MAD1L1: variants seen among roughly 807,000 people sequenced by gnomAD.
MAD1L1 encodes mitotic spindle assembly checkpoint protein MAD1.
In MAD1L1, 95 loss-of-function variants were observed where a neutral mutation model predicts 96.9. The observed-to-expected ratio is 0.98, with a 90% CI of 0.83 to 1.16. The LOEUF is 1.16. Among genes scored for constraint, MAD1L1 ranks in the 50% most tolerant of loss-of-function variants. MAD1L1 has a pLI of 0.00. For missense variants in MAD1L1, 1,007 were observed against 954.4 expected (o/e 1.06, Z -0.73); for synonymous variants, 473 against 396.6 (o/e 1.19, Z -2.29).
Position 2,223,230 on chromosome 7 carries a change from A to C in MAD1L1, c.292-476T>G, listed in dbSNP as rs370282554. 1.2e-4 allele frequency among the ~76,000 whole-genome samples: 19 copies of C among 152,328 alleles called. No individual in the cohort carries two copies. In the East Asian group the frequency reaches 3.3e-3, roughly 26 times the overall value. On this transcript the variant is annotated intron_variant, in intron 4 of 18. Coordinates refer to ENST00000265854, the MANE Select transcript of MAD1L1 (RefSeq NM_001013836.2). ...AGCGTGGACAGGAGGCTGTGGGCAG[A>C]AGCAGTTTACACTGGGCTCAAATCT...
At chr7:2,174,750 T>G (rs1443203758) in intron 10 of MAD1L1, among the ~76,000 whole-genome samples, 1 of 152,236 alleles carries the variant, frequency 6.6e-6, no homozygotes, top group Non-Finnish European at 1.5e-5. Context: ...CATTATCTTC[T>G]CTTGTTAAAA....
In MAD1L1 at chr7:2,050,619, G is replaced by T. The variant is rs79580237; in HGVS notation, c.1218+18575C>A. ...GACCTCTCCCAGGACCATGGACACA[G>T]GGACCCAGGCACCCACCCAGACTGT... On this transcript the variant is annotated intron_variant, in intron 12 of 18. Coordinates refer to ENST00000265854, the MANE Select transcript of MAD1L1 (RefSeq NM_001013836.2). 2.7e-3 allele frequency among the ~76,000 whole-genome samples: 409 copies of T among 152,300 alleles called. 2 individuals carry two copies. Among genetic ancestry groups the T allele is most frequent in the Non-Finnish European group, 3.0e-3 (202 of 68,014 alleles).
chr7:1,871,527 C>T (rs550059282), intron 18 of MAD1L1, among the ~76,000 whole-genome samples: 21 of 140,194 alleles, frequency 1.5e-4, no homozygotes, highest in African/African-American at 5.4e-4. Flanking sequence ...ACACCTGCCA[C>T]GCCGAACCCA....
At chr7:2,011,886 G>A (rs993906470) in intron 13 of MAD1L1, among the ~76,000 whole-genome samples, 1 of 152,182 alleles carries the variant, frequency 6.6e-6, no homozygotes, top group African/African-American at 2.4e-5. Flanking sequence ...CTTCTGGAGG[G>A]TACCCAGGGG....
chr7:2,137,069 CT>C (rs1788787177), intron 11 of MAD1L1, among the ~76,000 whole-genome samples: 1 of 152,196 alleles, frequency 6.6e-6, no homozygotes, highest in Admixed American at 6.5e-5. Context: ...CCTGACCCTG[CT>C]CTAGGCTCCG....
chr7:2,087,286 C>A (rs1248390424), intron 11 of MAD1L1, among the ~76,000 whole-genome samples: 1 of 152,170 alleles, frequency 6.6e-6, no homozygotes, highest in Non-Finnish European at 1.5e-5. Context: ...ATGCCTGTAA[C>A]TCCAGCACTT....
intron 10 of MAD1L1, among the ~76,000 whole-genome samples, chr7:2,206,140 T>C (rs1282148993): frequency 6.6e-6 from 1 of 152,020 alleles, no homozygotes; most frequent in East Asian, 1.9e-4. Flanking sequence ...TCCAAAAAAA[T>C]AAATAAATAA....
intron 11 of MAD1L1, among the ~76,000 whole-genome samples, chr7:2,140,949 T>C (rs1391326607): frequency 2.0e-5 from 3 of 152,242 alleles, no homozygotes; most frequent in Non-Finnish European, 2.9e-5. Context: ...AATATGTAAA[T>C]GCCATTTTAA....
At chr7:1,853,817 C>T (rs891016170) in intron 18 of MAD1L1, among the ~76,000 whole-genome samples, 7 of 152,156 alleles carry the variant, frequency 4.6e-5, no homozygotes, top group African/African-American at 1.2e-4. Context: ...GATTTCACTC[C>T]GAGCAGCCTG....
intron 14 of MAD1L1, among the ~76,000 whole-genome samples, chr7:1,997,105 C>T (rs1315519412): frequency 2.0e-5 from 3 of 152,232 alleles, no homozygotes; most frequent in African/African-American, 7.2e-5. Flanking sequence ...CTTATGCTTA[C>T]TAATTAGTAC....
chr7:1,927,307 C>T (rs1789145779), intron 17 of MAD1L1, among the ~76,000 whole-genome samples: 2 of 152,306 alleles, frequency 1.3e-5, no homozygotes, highest in African/African-American at 4.8e-5. Flanking sequence ...TGTAGATGCT[C>T]CCCAGACTGA....
At chr7:1,824,637 A>G (rs73286622) in intron 18 of MAD1L1, among the ~76,000 whole-genome samples, 7,647 of 152,218 alleles carry the variant, frequency 0.05, 439 homozygotes, top group African/African-American at 0.14. Flanking sequence ...CTCCCCCACC[A>G]GGACCCGCGG....
At chr7:1,922,894 G>A (rs1420794805) in intron 17 of MAD1L1, among the ~76,000 whole-genome samples, 1 of 152,190 alleles carries the variant, frequency 6.6e-6, no homozygotes, top group African/African-American at 2.4e-5. Flanking sequence ...TCCTTTTGGC[G>A]AGCTGACGCG....
At chr7:1,880,200 C>T (rs1033148142) in intron 18 of MAD1L1, among the ~76,000 whole-genome samples, 6 of 152,232 alleles carry the variant, frequency 3.9e-5, no homozygotes, top group Admixed American at 3.3e-4. Context: ...AATCAGCACC[C>T]CTCAAACCTG....
At chr7:1,932,525 C>A (rs1320905119) in intron 17 of MAD1L1, among the ~76,000 whole-genome samples, 1 of 152,258 alleles carries the variant, frequency 6.6e-6, no homozygotes, top group South Asian at 2.1e-4. Flanking sequence ...TCCCGAGATG[C>A]AGGTCACTCT....
chr7:1,959,210 C>G, intron 15 of MAD1L1, among the ~76,000 whole-genome samples: 1 of 152,148 alleles, frequency 6.6e-6, no homozygotes, highest in East Asian at 1.9e-4. Flanking sequence ...CAAGATCACC[C>G]CAGTGCACTC....
rs534184373 is a variant in MAD1L1 at position 1,980,521 on chromosome 7, C to A, written c.1437G>T (p.Met479Ile). Residue 479 changes from methionine to isoleucine, a missense_variant, in exon 15 of 19, where the codon ATG (methionine) becomes ATT (isoleucine). Met to Ile is a conservative substitution (Grantham distance 10). Transcript: ENST00000265854. ...CGGCAGAGCTGGACTGAGACTTCAGCATCTTCAGCTCCATCTCCAGCTAGG... is the reference window on the plus strand; with the variant it reads ...CGGCAGAGCTGGACTGAGACTTCAGAATCTTCAGCTCCATCTCCAGCTAGG... Reference protein sequence around the residue: ...RADMLEMELKMLKSQSSSAEQ... With the variant: ...RADMLEMELKILKSQSSSAEQ... The A allele has an allele frequency of 8.5e-5, 136 of 1,607,702 alleles. 3 individuals are homozygous for A. The South Asian group carries it at 1.4e-3, about 16-fold the overall frequency.
At chr7:1,908,908 C>T (rs1040101581) in intron 17 of MAD1L1, among the ~76,000 whole-genome samples, 6 of 152,218 alleles carry the variant, frequency 3.9e-5, no homozygotes, top group South Asian at 4.1e-4. Context: ...GTCTCCCTGG[C>T]GGCGGCTGGG....
At chr7:2,139,801 C>T (rs147238936) in intron 11 of MAD1L1, among the ~76,000 whole-genome samples, 42 of 152,286 alleles carry the variant, frequency 2.8e-4, no homozygotes, top group African/African-American at 1.0e-3. Context: ...CTTCCCCCGA[C>T]CCTCAAGGCT....
Sources: allele counts gnomAD v4.1 joint callset (sites outside exome capture counted in the v4.1 genomes callset), GRCh38; gene constraint gnomAD v4.1.1; transcripts MANE v1.5; gene names NCBI Gene and HGNC (gene_info 2026-07-23, HGNC 2026-07-21).